The following EYS variants were observed in gnomAD, a reference collection of about 807,000 sequenced individuals.
The protein encoded by EYS is EGF-like photoreceptor maintenance factor, also known as protein eyes shut homolog.
In EYS, 250 loss-of-function variants were observed where a neutral mutation model predicts 282.1. The observed-to-expected ratio is 0.89, with a 90% CI of 0.80 to 0.98. The LOEUF (loss-of-function observed/expected upper bound fraction) is 0.98. EYS is among the 50% of genes least tolerant of loss of function. The pLI is 0.00. For missense variants in EYS, 4,016 were observed against 3,709.0 expected, an observed-to-expected ratio of 1.08 and a Z score of -2.15; for synonymous variants, 1,355 against 1,282.9, an observed-to-expected ratio of 1.06 and a Z score of -1.20.
At chr6:64,012,714 C>G (rs1768697388) in intron 33 of EYS, among the ~76,000 whole-genome samples, 1 of 152,042 alleles carries the variant, frequency 6.6e-6, no homozygotes, top group African/African-American at 2.4e-5. Flanking sequence ...TTCATACAGC[C>G]CTATCAACAC....
chr6:64,599,366 A>C (rs541699571), intron 24 of EYS, among the ~76,000 whole-genome samples: 1 of 152,316 alleles, frequency 6.6e-6, no homozygotes, highest in African/African-American at 2.4e-5. Flanking sequence ...TATTCAGGGT[A>C]TACGTGGAAG....
chr6:64,809,577 T>A (rs1293676077), intron 22 of EYS, among the ~76,000 whole-genome samples: 1 of 152,002 alleles, frequency 6.6e-6, no homozygotes, highest in South Asian at 2.1e-4. Flanking sequence ...TACATGCCCA[T>A]CAACAGCAGA....
chr6:65,251,078 C>A (rs899425840), intron 12 of EYS, among the ~76,000 whole-genome samples: 1 of 140,926 alleles, frequency 7.1e-6, no homozygotes, highest in African/African-American at 2.6e-5. Flanking sequence ...GGCCTTAACA[C>A]ATATCTAAAC....
chr6:64,945,738 G>A (rs557314117), intron 15 of EYS, 55 bp downstream of exon 15: 2 of 1,493,540 alleles, frequency 1.3e-6, no homozygotes, highest in East Asian at 2.5e-5. Flanking sequence ...TGTATCCCAA[G>A]GACACTGAGC....
At chr6:65,369,326 ATATT>A (rs987515743) in intron 8 of EYS, among the ~76,000 whole-genome samples, 5 of 142,588 alleles carry the variant, frequency 3.5e-5, no homozygotes, top group Non-Finnish European at 6.1e-5. Flanking sequence ...TTATATATAT[ATATT>A]TATATATATA....
intron 8 of EYS, among the ~76,000 whole-genome samples, chr6:65,382,553 G>A (rs964080987): frequency 2.7e-5 from 4 of 149,782 alleles, no homozygotes; most frequent in African/African-American, 9.8e-5. Context: ...TCTCTAGGGG[G>A]ACAGAACTAA....
At chr6:65,367,341 C>A (rs1283131365) in intron 8 of EYS, among the ~76,000 whole-genome samples, 4 of 151,668 alleles carry the variant, frequency 2.6e-5, no homozygotes, top group South Asian at 2.1e-4. Flanking sequence ...AATAACCTGA[C>A]CTTATTTTGT....
chr6:64,075,003 C>T (rs1186755188), intron 32 of EYS, among the ~76,000 whole-genome samples: 1 of 151,908 alleles, frequency 6.6e-6, no homozygotes, highest in Non-Finnish European at 1.5e-5. Flanking sequence ...TCAGGGCTAC[C>T]TGTGGGAGCA....
At chr6:65,263,519 T>C (rs572203897) in intron 12 of EYS, among the ~76,000 whole-genome samples, 2 of 152,120 alleles carry the variant, frequency 1.3e-5, no homozygotes, top group South Asian at 4.1e-4. Flanking sequence ...AAACTAAAAA[T>C]TAAAAGTCAG....
intron 29 of EYS, among the ~76,000 whole-genome samples, chr6:64,322,988 C>A (rs967792639): frequency 3.3e-5 from 5 of 152,050 alleles, no homozygotes; most frequent in African/African-American, 1.2e-4. Context: ...CACATAATTT[C>A]AATGCAGCTA....
intron 40 of EYS, among the ~76,000 whole-genome samples, chr6:63,771,885 G>A (rs1582191673): frequency 1.3e-5 from 2 of 151,952 alleles, no homozygotes; most frequent in East Asian, 3.9e-4. Flanking sequence ...TCTCATCTTT[G>A]GCCAGTGGGA....
intron 7 of EYS, among the ~76,000 whole-genome samples, chr6:65,392,018 A>G (rs1272765318): frequency 6.6e-6 from 1 of 151,738 alleles, no homozygotes; most frequent in Non-Finnish European, 1.5e-5. Flanking sequence ...ATAACGCCGC[A>G]TATCTACAAC....
chr6:64,370,436 A>G (rs1772325205), intron 29 of EYS, among the ~76,000 whole-genome samples: 1 of 152,108 alleles, frequency 6.6e-6, no homozygotes, highest in Admixed American at 6.6e-5. Flanking sequence ...TGTTTTGTTT[A>G]GAATTTTTGC....
In EYS at chr6:64,783,239, A is replaced by G. The variant is rs375588032; in HGVS notation, c.3443+30139T>C. Among the ~76,000 whole-genome samples the G allele has an allele frequency of 3.3e-5, 5 of 151,988 alleles. No individual in the cohort carries two copies. In the East Asian group the frequency reaches 7.7e-4, roughly 23 times the overall value. On this transcript the variant is annotated intron_variant, in intron 22 of 42. Transcript: ENST00000503581. Reference sequence around the variant, plus strand: ...TTGTCCTATTTCATTACTAGCTATTATTGTTATTCTCTTACTGTGCCTAAT... The same window carrying G: ...TTGTCCTATTTCATTACTAGCTATTGTTGTTATTCTCTTACTGTGCCTAAT...
chr6:65,597,999 C>G (rs1408857004), intron 2 of EYS, among the ~76,000 whole-genome samples: 2 of 151,800 alleles, frequency 1.3e-5, no homozygotes, highest in African/African-American at 4.8e-5. Flanking sequence ...GCTCAGGAAG[C>G]TGAGGTGGGA....
chr6:63,823,581 C>T (rs768367709), intron 36 of EYS, among the ~76,000 whole-genome samples: 40 of 152,066 alleles, frequency 2.6e-4, no homozygotes, highest in Non-Finnish European at 5.3e-4. Flanking sequence ...GCCACATTCT[C>T]ATTTCTAATC....
intron 5 of EYS, among the ~76,000 whole-genome samples, chr6:65,443,334 G>A (rs942509483): frequency 8.8e-6 from 1 of 113,500 alleles, no homozygotes; most frequent in South Asian, 2.9e-4. Flanking sequence ...ATGCATACAT[G>A]TATGTACACA....
intron 22 of EYS, among the ~76,000 whole-genome samples, chr6:64,729,563 C>T (rs557125139): frequency 6.6e-6 from 1 of 152,108 alleles, no homozygotes; most frequent in Non-Finnish European, 1.5e-5. Flanking sequence ...AGAAAGCAAG[C>T]CTAATTGCGC....
intron 9 of EYS, among the ~76,000 whole-genome samples, chr6:65,351,355 T>C (rs1293145229): frequency 1.3e-5 from 2 of 151,794 alleles, no homozygotes; most frequent in African/African-American, 4.8e-5. Flanking sequence ...AATGATTAAA[T>C]ATGCATACAC....
Sources: gnomAD v4.1 joint callset for allele counts (sites outside exome capture counted in the v4.1 genomes callset) on GRCh38, gnomAD v4.1.1 for gene constraint, MANE v1.5 for transcripts, NCBI Gene and HGNC (gene_info 2026-07-23, HGNC 2026-07-21) for gene names.